The following LPIN1 variants were observed in gnomAD, a reference collection of about 807,000 sequenced individuals.
LPIN1 encodes the protein lipin 1.
In LPIN1, 71 loss-of-function variants were observed where a neutral mutation model predicts 107.5. The observed-to-expected ratio is 0.66, with a 90% confidence interval of 0.55 to 0.80. LPIN1 has a LOEUF of 0.80. Ranked by LOEUF, LPIN1 falls within the 30% of genes least tolerant of loss-of-function variation. The probability of loss-of-function intolerance (pLI) is 0.00; values close to 1 mark genes in which losing one functional copy is unlikely to be tolerated. For missense variants in LPIN1, 1,043 were observed against 1,160.6 expected (o/e 0.90, Z 1.47); for synonymous variants, 445 against 452.6 (o/e 0.98, Z 0.21).
intron 1 of LPIN1, among the ~76,000 whole-genome samples, chr2:11,750,955 G>A (rs760784552): frequency 1.1e-4 from 17 of 152,314 alleles, no homozygotes; most frequent in East Asian, 1.9e-4. Flanking sequence ...TTGAAAGTGC[G>A]TAGAGAGAAT....
exon 2 of LPIN1, chr2:11,713,789 A>C: frequency 6.6e-7 from 1 of 1,522,396 alleles, no homozygotes; most frequent in African/African-American, 1.4e-5. Flanking sequence ...GTGGATTCGA[A>C]ATGTATGGTC....
At chr2:11,718,424 T>A (rs781627553) in intron 2 of LPIN1, among the ~76,000 whole-genome samples, 23 of 152,102 alleles carry the variant, frequency 1.5e-4, no homozygotes, top group South Asian at 4.1e-4. Context: ...AGAGACAGGG[T>A]TTCACCATGT....
intron 17 of LPIN1, among the ~76,000 whole-genome samples, chr2:11,809,664 C>T (rs1490964948): frequency 6.6e-6 from 1 of 152,262 alleles, no homozygotes; most frequent in African/African-American, 2.4e-5. Flanking sequence ...GATCCATCCA[C>T]CTCAGCCTCC....
intron 14 of LPIN1, among the ~76,000 whole-genome samples, chr2:11,799,165 A>G (rs1267187490): frequency 2.6e-5 from 4 of 152,184 alleles, no homozygotes; most frequent in Admixed American, 2.6e-4. Context: ...ACCAACAGCC[A>G]ACTGCGCATC....
chr2:11,702,439 G>A (rs1000715127), intron 1 of LPIN1, among the ~76,000 whole-genome samples: 3 of 152,154 alleles, frequency 2.0e-5, no homozygotes, highest in African/African-American at 7.2e-5. Flanking sequence ...GCATGTGAAA[G>A]GTGCACTCAC....
intron 17 of LPIN1, among the ~76,000 whole-genome samples, chr2:11,808,422 A>G (rs1243414526): frequency 6.6e-6 from 1 of 152,186 alleles, no homozygotes; most frequent in African/African-American, 2.4e-5. Flanking sequence ...TTGAATCTGT[A>G]TTGTGATTTC....
At chr2:11,741,504 T>C (rs1666356895) in intron 2 of LPIN1, 4 of 1,200,248 alleles carry the variant, frequency 3.3e-6, no homozygotes, top group Non-Finnish European at 4.8e-6. Flanking sequence ...GTTTGGCAAC[T>C]GCAAGGAAAA....
At chr2:11,731,954 C>T (rs1312121286) in intron 1 of LPIN1, among the ~76,000 whole-genome samples, 1 of 151,354 alleles carries the variant, frequency 6.6e-6, no homozygotes, top group Non-Finnish European at 1.5e-5. Context: ...TGTTTAAGTT[C>T]CTTATAGATA....
At chr2:11,739,172 A>C (rs529796248) in intron 1 of LPIN1, among the ~76,000 whole-genome samples, 2 of 152,344 alleles carry the variant, frequency 1.3e-5, no homozygotes, top group Admixed American at 1.3e-4. Flanking sequence ...GGAAAGCCAG[A>C]AGCTGTATTG....
intron 1 of LPIN1, among the ~76,000 whole-genome samples, chr2:11,763,952 G>T (rs1357708050): frequency 7.7e-6 from 1 of 129,808 alleles, no homozygotes. Flanking sequence ...CGGTGACACT[G>T]ACATATATTT....
intron 1 of LPIN1, among the ~76,000 whole-genome samples, chr2:11,751,067 T>C (rs1016658169): frequency 3.3e-5 from 5 of 152,230 alleles, no homozygotes; most frequent in African/African-American, 9.7e-5. Context: ...GCTGTTTTGC[T>C]CAGCATAGTT....
At chr2:11,699,735 T>C (rs1397031660) in intron 1 of LPIN1, among the ~76,000 whole-genome samples, 7 of 152,028 alleles carry the variant, frequency 4.6e-5, no homozygotes, top group Non-Finnish European at 2.9e-5. Flanking sequence ...ACAAGAAGCC[T>C]GAATCTGGGG....
intron 1 of LPIN1, among the ~76,000 whole-genome samples, chr2:11,686,089 C>G (rs1190259870): frequency 6.6e-6 from 1 of 152,182 alleles, no homozygotes; most frequent in Non-Finnish European, 1.5e-5. Context: ...AATTTGGCCC[C>G]TACTTTCCAT....
At chr2:11,778,160 A>G (rs957052367) in intron 6 of LPIN1, among the ~76,000 whole-genome samples, 6 of 152,122 alleles carry the variant, frequency 3.9e-5, no homozygotes, top group African/African-American at 1.4e-4. Context: ...GTGCCTTCTT[A>G]TAGGACTGCT....
At chr2:11,709,280 G>C (rs992739563) in intron 1 of LPIN1, among the ~76,000 whole-genome samples, 2 of 152,218 alleles carry the variant, frequency 1.3e-5, no homozygotes, top group African/African-American at 4.8e-5. Flanking sequence ...TGGTGTAGGA[G>C]GGTGTATGCA....
rs1678025705 is a variant in LPIN1, at chr2:11,802,949, T to A, written c.1929T>A (p.Ala643=). 5 of 1,613,382 alleles carry A rather than the reference T, an allele frequency of 3.1e-6. No homozygotes were observed. The highest frequency in any genetic ancestry group is 3.4e-6 in the Non-Finnish European group (4 of 1,180,038). ...ESSSSDEERA[A]AKPSNAGHLP... ...CCTCCAGTGATGAGGAGCGCGCAGCTGCCAAGCCATCAAACGCAGGCCACC... is the reference window on the plus strand; with the variant it reads ...CCTCCAGTGATGAGGAGCGCGCAGCAGCCAAGCCATCAAACGCAGGCCACC... The change falls in exon 15 of 21, where the codon GCT becomes GCA. Residue 643 remains alanine, a synonymous_variant. Transcript: ENST00000674199.
chr2:11,814,231 G>C (rs1680180693), intron 17 of LPIN1, among the ~76,000 whole-genome samples: 1 of 152,140 alleles, frequency 6.6e-6, no homozygotes, highest in Non-Finnish European at 1.5e-5. Flanking sequence ...TCTGGGAGAA[G>C]GAATGAGCCC....
In LPIN1 at chr2:11,771,288, TG is replaced by T; in HGVS notation, c.289-83del. On this transcript the variant is annotated intron_variant, in intron 3 of 20. Coordinates refer to ENST00000674199, the MANE Select transcript of LPIN1 (RefSeq NM_001349206.2). The surrounding 1 kb of genome is among the most constrained non-coding windows in gnomAD (Gnocchi z 4.8). ...CCCAGGAGGTGCTTGGCCTCTGAAG[TG>T]AATCCTGGAGGCCTCTGGCAAGGCC... 1.4e-5 allele frequency: 20 copies of T among 1,394,084 alleles called. No individual in the cohort carries two copies. Among genetic ancestry groups the T allele is most frequent in the Non-Finnish European group, 2.0e-5 (20 of 984,682 alleles). The allele number at this position is 1,394,084 out of a possible 1,614,324, so 86.4% of individuals were successfully genotyped here. A position where few individuals can be genotyped will look rare whatever the true frequency, so the allele number is the denominator to read the frequency against.
intron 2 of LPIN1, 173 bp from the exon 3 acceptor site, chr2:11,767,590 A>G: frequency 1.5e-6 from 1 of 658,202 alleles, no homozygotes; most frequent in South Asian, 1.7e-5. Context: ...GAACTCCTCC[A>G]GTCCTCAAGT....
Sources: allele counts gnomAD v4.1 joint callset (sites outside exome capture counted in the v4.1 genomes callset), GRCh38; gene constraint gnomAD v4.1.1; non-coding constraint Gnocchi (gnomAD v3.1); transcripts MANE v1.5; gene names NCBI Gene and HGNC (gene_info 2026-07-23, HGNC 2026-07-21).